The following COX6B1 variants were observed in gnomAD, a reference collection of about 807,000 sequenced individuals.
COX6B1 encodes COX VIb-1.
In COX6B1, 2 loss-of-function variants were observed where a neutral mutation model predicts 14.0. The observed-to-expected ratio is 0.14, with a 90% confidence interval of 0.06 to 0.45. The LOEUF is 0.45. Among genes scored for constraint, COX6B1 ranks in the 20% least tolerant of loss-of-function variants. The probability of loss-of-function intolerance (pLI) is 0.98; values close to 1 mark genes in which losing one functional copy is unlikely to be tolerated. For missense variants in COX6B1, 81 were observed against 114.2 expected, an observed-to-expected ratio of 0.71 and a Z score of 1.33; for synonymous variants, 30 against 39.7, an observed-to-expected ratio of 0.76 and a Z score of 0.92.
At chr19:35,654,782 C>T in intron 3 of COX6B1, 111 bp downstream of exon 3, 2 of 875,602 alleles carry the variant, frequency 2.3e-6, no homozygotes, top group Admixed American at 4.3e-5. Context: ...GGACAGGGCA[C>T]CACACTGTCC....
chr19:35,648,971 C>G, intron 1 of COX6B1: 1 of 531,820 alleles, frequency 1.9e-6, no homozygotes, highest in Non-Finnish European at 3.9e-6. Context: ...CACTTCCCCA[C>G]CGAAAGACTG....
At chr19:35,656,294 G>A (rs575567783) in intron 3 of COX6B1, among the ~76,000 whole-genome samples, 2 of 152,264 alleles carry the variant, frequency 1.3e-5, no homozygotes, top group African/African-American at 2.4e-5. Flanking sequence ...TCTTTATGGA[G>A]ACTATGGTGA....
At chr19:35,648,681 G>C in intron 1 of COX6B1, 1 of 380,168 alleles carries the variant, frequency 2.6e-6, no homozygotes, top group South Asian at 1.9e-5. Context: ...AACAGGCTCA[G>C]AGATACCAAG....
At chr19:35,649,208 G>GT (rs1967796569) in intron 1 of COX6B1, among the ~76,000 whole-genome samples, 1 of 152,188 alleles carries the variant, frequency 6.6e-6, no homozygotes, top group African/African-American at 2.4e-5. Context: ...TTGAATTGGG[G>GT]TGGGGGGTGG....
At chr19:35,657,342 C>T (rs1048991628) in intron 3 of COX6B1, among the ~76,000 whole-genome samples, 7 of 151,922 alleles carry the variant, frequency 4.6e-5, no homozygotes, top group Non-Finnish European at 7.4e-5. Context: ...CTAATGCTGC[C>T]GCTGATCTGA....
intron 3 of COX6B1, among the ~76,000 whole-genome samples, chr19:35,655,211 A>G (rs1311702480): frequency 6.6e-6 from 1 of 151,748 alleles, no homozygotes; most frequent in Non-Finnish European, 1.5e-5. Context: ...TTGTATTTTA[A>G]TAGAAACGGG....
intron 3 of COX6B1, among the ~76,000 whole-genome samples, chr19:35,654,887 A>G (rs1967870110): frequency 6.6e-6 from 1 of 152,210 alleles, no homozygotes; most frequent in African/African-American, 2.4e-5. Context: ...TGAGGCGACC[A>G]GGGTGCTTTG....
chr19:35,654,518 A>AG, intron 2 of COX6B1, 53 bp from the exon 3 acceptor site: 1 of 1,565,926 alleles, frequency 6.4e-7, no homozygotes, highest in East Asian at 2.2e-5. Context: ...AAAAAAAAAA[A>AG]AAAATGTGTT....
intron 1 of COX6B1, 137 bp downstream of exon 1, chr19:35,648,540 C>T (rs1836230358): frequency 3.3e-6 from 1 of 306,574 alleles, no homozygotes; most frequent in Non-Finnish European, 6.5e-6. Flanking sequence ...CTGTTCTGTT[C>T]ATCGTAAGAG....
intron 3 of COX6B1, among the ~76,000 whole-genome samples, chr19:35,656,002 T>A (rs1967885394): frequency 6.6e-6 from 1 of 151,842 alleles, no homozygotes; most frequent in Non-Finnish European, 1.5e-5. Context: ...AATTTTTGTA[T>A]TTTTTTTGTA....
At chr19:35,655,564 C>G (rs1057036914) in intron 3 of COX6B1, among the ~76,000 whole-genome samples, 1 of 151,948 alleles carries the variant, frequency 6.6e-6, no homozygotes, top group Admixed American at 6.6e-5. Flanking sequence ...CAGCCCTGAT[C>G]TGACCAAATC....
intron 2 of COX6B1, 108 bp from the exon 3 acceptor site, chr19:35,654,463 G>A (rs899268867): frequency 1.1e-5 from 10 of 879,022 alleles, no homozygotes; most frequent in African/African-American, 6.6e-5. Context: ...AGCTGAGATC[G>A]CACCACTGCA....
intron 1 of COX6B1, among the ~76,000 whole-genome samples, chr19:35,650,005 A>G (rs1425539306): frequency 7.0e-6 from 1 of 143,816 alleles, no homozygotes; most frequent in Non-Finnish European, 1.5e-5. Context: ...TCAAAATTGT[A>G]TTTTTTTTTT....
At chr19:35,649,900 G>A (rs1189282283) in intron 1 of COX6B1, among the ~76,000 whole-genome samples, 1 of 152,134 alleles carries the variant, frequency 6.6e-6, no homozygotes, top group East Asian at 1.9e-4. Flanking sequence ...GGGATTACAG[G>A]TGTGAACCAT....
Position 35,651,501 on chromosome 19 carries a change from G to C in COX6B1, c.106+152G>C, listed in dbSNP as rs1212431388. 5 of 657,804 alleles carry C rather than the reference G, an allele frequency of 7.6e-6. No homozygotes were observed. In the Admixed American group the frequency reaches 1.1e-4, roughly 14 times the overall value. The allele number at this position is 657,804 out of a possible 1,614,324, so 40.7% of individuals were successfully genotyped here. On this transcript the variant is annotated intron_variant, in intron 2 of 3. Transcript: ENST00000649813. Reference sequence around the variant, plus strand: ...CTCATCACCTGCTGTTCAGGTCCAGGCTAGGGTTACAAACTTTAGTTCCTG... The same window carrying C: ...CTCATCACCTGCTGTTCAGGTCCAGCCTAGGGTTACAAACTTTAGTTCCTG...
At chr19:35,654,430 A>G in intron 2 of COX6B1, 141 bp from the exon 3 acceptor site, 1 of 712,940 alleles carries the variant, frequency 1.4e-6, no homozygotes, top group Non-Finnish European at 2.5e-6. Flanking sequence ...ACTTGAACCC[A>G]GGAGGAGGTA....
At chr19:35,651,082 C>G (rs1179219645) in intron 1 of COX6B1, 151 bp from the exon 2 acceptor site, 8 of 671,476 alleles carry the variant, frequency 1.2e-5, no homozygotes, top group African/African-American at 1.1e-4. Context: ...GTGGATTCGC[C>G]CTGCCCCTCA....
At chr19:35,652,612 T>A (rs1967839201) in intron 2 of COX6B1, among the ~76,000 whole-genome samples, 1 of 107,968 alleles carries the variant, frequency 9.3e-6, no homozygotes, top group Admixed American at 9.7e-5. Context: ...TTTTTTGTAT[T>A]TTTTTTTTTT....
intron 2 of COX6B1, among the ~76,000 whole-genome samples, chr19:35,652,393 C>T (rs1461634217): frequency 6.6e-6 from 1 of 151,790 alleles, no homozygotes. Flanking sequence ...AGAGAAGTGA[C>T]GCCACTAACT....
Sources: gnomAD v4.1 joint callset for allele counts (sites outside exome capture counted in the v4.1 genomes callset) on GRCh38, gnomAD v4.1.1 for gene constraint, MANE v1.5 for transcripts, NCBI Gene and HGNC (gene_info 2026-07-23, HGNC 2026-07-21) for gene names.